Variants in RAD51B observed in about 807,000 individuals in gnomAD.
The protein encoded by RAD51B is RAD51 paralog B, also known as DNA repair protein RAD51 homolog 2.
Under a neutral mutation model 42.2 loss-of-function variants are expected in RAD51B, and 38 were observed. The ratio of observed to expected loss-of-function variants is 0.90; its 90% CI spans 0.70 to 1.18. The LOEUF (loss-of-function observed/expected upper bound fraction) is 1.18. Among genes scored for constraint, RAD51B ranks in the 50% most tolerant of loss-of-function variants. The pLI is 0.00. For synonymous variants in RAD51B, 154 were observed against 145.2 expected (o/e 1.06, Z -0.43); for missense variants, 373 against 400.7 (o/e 0.93, Z 0.59).
At chr14:68,664,480 C>A (rs572913723) in intron 11 of RAD51B, among the ~76,000 whole-genome samples, 1 of 152,152 alleles carries the variant, frequency 6.6e-6, no homozygotes, top group African/African-American at 2.4e-5. Context: ...TCTGGTCAGT[C>A]GCATTTCACC....
chr14:68,049,453 C>A (rs914162534), intron 7 of RAD51B, among the ~76,000 whole-genome samples: 2 of 152,160 alleles, frequency 1.3e-5, no homozygotes, highest in African/African-American at 2.4e-5. Flanking sequence ...GCCAGGCCAA[C>A]ACTTCCTAAA....
chr14:68,655,518 T>C (rs1177777741), intron 11 of RAD51B, among the ~76,000 whole-genome samples: 2 of 152,076 alleles, frequency 1.3e-5, no homozygotes, highest in African/African-American at 4.8e-5. Flanking sequence ...GCAAACCTGC[T>C]CAGGTCGGGG....
Position 67,903,762 on chromosome 14 carries a change from T to G in RAD51B, c.756+16558T>G, listed in dbSNP as rs140138627. On this transcript the variant is annotated intron_variant, in intron 7 of 10. Coordinates refer to ENST00000471583, the MANE Select transcript of RAD51B (RefSeq NM_133510.4). ...TCTCCATTTTTTTTCTTTCCAACTT[T>G]TATTTAAGGTTCAGGGGGTACATGT... Among the ~76,000 whole-genome samples, 108 of 152,260 alleles carry G rather than the reference T, an allele frequency of 7.1e-4. No individual in the cohort carries two copies. In the South Asian group the frequency reaches 8.5e-3, roughly 12 times the overall value.
chr14:68,187,483 A>G (rs1267114791), intron 7 of RAD51B, among the ~76,000 whole-genome samples: 1 of 152,206 alleles, frequency 6.6e-6, no homozygotes, highest in African/African-American at 2.4e-5. Flanking sequence ...TACTTATCCA[A>G]CTTCCCACAA....
At chr14:68,234,466 A>G (rs2140988385) in intron 7 of RAD51B, among the ~76,000 whole-genome samples, 1 of 152,342 alleles carries the variant, frequency 6.6e-6, no homozygotes, top group East Asian at 1.9e-4. Flanking sequence ...TGCAAACATC[A>G]TCGAGTGCAC....
At chr14:68,614,557 T>A (rs914584219), downstream of RAD51B, among the ~76,000 whole-genome samples, 1 of 152,216 alleles carries the variant, frequency 6.6e-6, no homozygotes, top group African/African-American at 2.4e-5. Flanking sequence ...TATTCTACTA[T>A]CCATCTCTAT....
At chr14:68,631,644 T>C (rs895167341) in intron 10 of RAD51B, among the ~76,000 whole-genome samples, 1 of 152,178 alleles carries the variant, frequency 6.6e-6, no homozygotes, top group African/African-American at 2.4e-5. Flanking sequence ...TTTTCCTCTT[T>C]GGGCACTCGT....
chr14:68,341,245 C>A (rs905785052), intron 8 of RAD51B, among the ~76,000 whole-genome samples: 1 of 152,096 alleles, frequency 6.6e-6, no homozygotes, highest in African/African-American at 2.4e-5. Flanking sequence ...GAGTTATATG[C>A]AAGTATATTA....
chr14:68,649,080 C>T (rs1305221972), intron 10 of RAD51B, among the ~76,000 whole-genome samples: 1 of 152,148 alleles, frequency 6.6e-6, no homozygotes, highest in Non-Finnish European at 1.5e-5. Context: ...AGGATTAAAA[C>T]ATTTTAAAAT....
chr14:68,613,826 T>C (rs1157701010), downstream of RAD51B, among the ~76,000 whole-genome samples: 2 of 152,212 alleles, frequency 1.3e-5, no homozygotes, highest in East Asian at 3.9e-4. Context: ...CATTTCTCCA[T>C]AACTTGCTCA....
intron 7 of RAD51B, among the ~76,000 whole-genome samples, chr14:68,148,987 G>A (rs1460253014): frequency 6.6e-6 from 1 of 152,196 alleles, no homozygotes; most frequent in East Asian, 1.9e-4. Context: ...GGATCTGCAG[G>A]TGTGTAGTGG....
At chr14:67,942,471 G>A (rs2045242987) in intron 7 of RAD51B, among the ~76,000 whole-genome samples, 2 of 152,190 alleles carry the variant, frequency 1.3e-5, no homozygotes, top group African/African-American at 4.8e-5. Flanking sequence ...CCAAGATCAT[G>A]CTTGTTTAGT....
intron 7 of RAD51B, among the ~76,000 whole-genome samples, chr14:67,937,658 G>T (rs2045005727): frequency 6.6e-6 from 1 of 152,162 alleles, no homozygotes; most frequent in Non-Finnish European, 1.5e-5. Flanking sequence ...GAATTGAGCA[G>T]GTAGACTGTG....
At chr14:68,496,420 C>T (rs1884524352) in intron 10 of RAD51B, among the ~76,000 whole-genome samples, 1 of 152,200 alleles carries the variant, frequency 6.6e-6, no homozygotes, top group Non-Finnish European at 1.5e-5. Flanking sequence ...GGATGCTGTG[C>T]TTACTTGCCT....
intron 9 of RAD51B, among the ~76,000 whole-genome samples, chr14:68,439,570 T>C (rs549373424): frequency 4.6e-5 from 7 of 152,278 alleles, no homozygotes; most frequent in African/African-American, 1.7e-4. Flanking sequence ...CTCTTCTCCA[T>C]TGTCCCTGTT....
intron 7 of RAD51B, among the ~76,000 whole-genome samples, chr14:68,077,465 T>C (rs1013354553): frequency 6.6e-6 from 1 of 152,238 alleles, no homozygotes; most frequent in African/African-American, 2.4e-5. Context: ...AGGTGCCTTA[T>C]TAACTTTTGA....
chr14:68,622,941 A>G (rs182713139), intron 10 of RAD51B, among the ~76,000 whole-genome samples: 162 of 152,232 alleles, frequency 1.1e-3, no homozygotes, highest in African/African-American at 3.6e-3. Context: ...TTAATTCATC[A>G]AAGTGAGGAA....
intron 7 of RAD51B, among the ~76,000 whole-genome samples, chr14:68,275,832 ACACACACACC>A (rs1431380640): frequency 7.8e-6 from 1 of 128,132 alleles, no homozygotes; most frequent in Non-Finnish European, 1.7e-5. Flanking sequence ...ACACACACAC[ACACACACACC>A]CTTGAATTCT....
intron 7 of RAD51B, among the ~76,000 whole-genome samples, chr14:68,105,043 C>A (rs1003927574): frequency 2.6e-5 from 4 of 151,826 alleles, no homozygotes; most frequent in African/African-American, 9.7e-5. Flanking sequence ...CCTCCCACCC[C>A]AATGGAGATT....
Sources: gnomAD v4.1 joint callset for allele counts (sites outside exome capture counted in the v4.1 genomes callset) on GRCh38, gnomAD v4.1.1 for gene constraint, MANE v1.5 for transcripts, NCBI Gene and HGNC (gene_info 2026-07-23, HGNC 2026-07-21) for gene names.